The following PARD3 variants were observed in gnomAD, a reference collection of about 807,000 sequenced individuals.
PARD3 encodes par-3 family cell polarity regulator.
A neutral mutation model predicts 155.4 loss-of-function variants in PARD3; 75 were observed. That is an observed-to-expected ratio of 0.48 (90% CI 0.40 to 0.58). The LOEUF (loss-of-function observed/expected upper bound fraction) is 0.58. PARD3 is among the 20% of genes least tolerant of loss of function. PARD3 has a pLI of 0.00. For synonymous variants in PARD3, 576 were observed against 610.5 expected, an observed-to-expected ratio of 0.94 and a Z score of 0.83; for missense variants, 1,642 against 1,721.7, an observed-to-expected ratio of 0.95 and a Z score of 0.82.
rs186666890 is a variant in PARD3 at position 34,427,286 on chromosome 10, A to G, written c.714+23031T>C. Among the ~76,000 whole-genome samples, 260 of 152,330 alleles carry G rather than the reference A, an allele frequency of 1.7e-3. 2 individuals are homozygous for G. The highest frequency in any genetic ancestry group is 6.0e-3 in the African/African-American group (249 of 41,584). ...TGCGGAATTCTTTCCCCAGTAAGGA[A>G]TATTAATAATTAACAGCTCTGAGAA... On this transcript the variant is annotated intron_variant, in intron 5 of 24. Transcript: ENST00000374788.
chr10:34,130,743 G>A (rs1588875852), intron 23 of PARD3, among the ~76,000 whole-genome samples: 1 of 152,134 alleles, frequency 6.6e-6, no homozygotes, highest in African/African-American at 2.4e-5. Flanking sequence ...AAACACACAT[G>A]GGGGGTGCAA....
intron 19 of PARD3, among the ~76,000 whole-genome samples, chr10:34,320,190 G>C (rs771329440): frequency 6.6e-6 from 1 of 152,122 alleles, no homozygotes; most frequent in African/African-American, 2.4e-5. Context: ...CTAATCGCCA[G>C]GTATCACCAT....
chr10:34,398,927 C>T (rs904070619), intron 7 of PARD3, among the ~76,000 whole-genome samples: 5 of 152,230 alleles, frequency 3.3e-5, no homozygotes, highest in Non-Finnish European at 7.4e-5. Flanking sequence ...AAATTTAAAG[C>T]TTAAATCAAA....
chr10:34,525,235 C>T (rs558126564), intron 2 of PARD3, among the ~76,000 whole-genome samples: 22 of 152,280 alleles, frequency 1.4e-4, no homozygotes, highest in Middle Eastern at 6.8e-3. Flanking sequence ...AAATGTTATG[C>T]ATGTGAGATT....
In PARD3 at chr10:34,569,425, A is replaced by G. The variant is rs150991244; in HGVS notation, c.223-52266T>C. Among the ~76,000 whole-genome samples, 53 of 152,204 alleles carry G rather than the reference A, an allele frequency of 3.5e-4. 1 individual carries two copies. The highest frequency in any genetic ancestry group is 1.2e-3 in the African/African-American group (50 of 41,536). On this transcript the variant is annotated intron_variant, in intron 2 of 24. Transcript: ENST00000374788. ...CTGTGTTACACGTGACTATATATAT[A>G]TATTTTTTTGGAGACAGAGTCTTGC...
intron 4 of PARD3, among the ~76,000 whole-genome samples, chr10:34,467,362 T>TGTGTGTGC (rs57754550): frequency 6.6e-6 from 1 of 151,484 alleles, no homozygotes; most frequent in African/African-American, 2.4e-5. Flanking sequence ...TGTGTGTGTG[T>TGTGTGTGC]AAATACTGGT....
At chr10:34,136,916 GC>G (rs1328843604) in intron 22 of PARD3, among the ~76,000 whole-genome samples, 1 of 152,096 alleles carries the variant, frequency 6.6e-6, no homozygotes, top group East Asian at 1.9e-4. Flanking sequence ...TTAGGTTTGT[GC>G]CTTCATCATA....
At chr10:34,443,509 G>A (rs1032312799) in intron 5 of PARD3, among the ~76,000 whole-genome samples, 1 of 152,142 alleles carries the variant, frequency 6.6e-6, no homozygotes, top group Non-Finnish European at 1.5e-5. Flanking sequence ...ATTGTGGAAG[G>A]CAGGGAGGAG....
At chr10:34,739,773 G>A (rs2094975597) in intron 1 of PARD3, among the ~76,000 whole-genome samples, 1 of 152,202 alleles carries the variant, frequency 6.6e-6, no homozygotes, top group East Asian at 1.9e-4. Flanking sequence ...AGTGGGAGCA[G>A]GGGATAGAAA....
rs59606413 is a variant in PARD3, at chr10:34,565,260, CTTTTTTT to C, written c.223-48108_223-48102del. 8.7e-3 allele frequency among the ~76,000 whole-genome samples: 347 copies of C among 39,662 alleles called. 3 individuals are homozygous for C. Among genetic ancestry groups the C allele is most frequent in the African/African-American group, 0.036 (327 of 9,058 alleles). The allele number at this position is 39,662 out of a possible 152,430, so 26.0% of individuals were successfully genotyped here. ...TCAGATAAAAGACAAAGGAGCAAGG[CTTTTTTT>C]TTTTTTTTTTTTTTTTTTTTGAGAC... On this transcript the variant is annotated intron_variant, in intron 2 of 24. Coordinates refer to ENST00000374788, the MANE Select transcript of PARD3 (RefSeq NM_001184785.2).
At chr10:34,665,278 G>A (rs1035613162) in intron 2 of PARD3, among the ~76,000 whole-genome samples, 11 of 151,936 alleles carry the variant, frequency 7.2e-5, no homozygotes, top group Non-Finnish European at 1.0e-4. Flanking sequence ...TTGGGAGGCC[G>A]AGGCAGGTGG....
chr10:34,357,050 A>G (rs1272308419), intron 14 of PARD3, among the ~76,000 whole-genome samples: 1 of 152,238 alleles, frequency 6.6e-6, no homozygotes, highest in East Asian at 1.9e-4. Context: ...AGAAGTGAAT[A>G]AAACACAGAG....
intron 1 of PARD3, among the ~76,000 whole-genome samples, chr10:34,811,960 G>A (rs1844237943): frequency 6.6e-6 from 1 of 152,212 alleles, no homozygotes; most frequent in African/African-American, 2.4e-5. Flanking sequence ...GGGTGGATGA[G>A]GATGAACAGC....
chr10:34,677,742 C>T lies in PARD3; in HGVS notation c.222+18576G>A, dbSNP rs747513359. On this transcript the variant is annotated intron_variant, in intron 2 of 24. Transcript: ENST00000374788. The stretch of plus-strand genomic sequence containing the variant: ...TTCTCCGGGCAGGGGGACACAGATA[C>T]CATGACTAACTCTCAATGGTTTCAC... Among the ~76,000 whole-genome samples, 254 of 152,240 alleles carry T rather than the reference C, an allele frequency of 1.7e-3. 3 individuals are homozygous for T. Among genetic ancestry groups the T allele is most frequent in the Non-Finnish European group, 1.9e-3 (127 of 68,016 alleles).
chr10:34,255,885 T>C lies in PARD3; in HGVS notation c.3419+13772A>G, dbSNP rs573849730. Among the ~76,000 whole-genome samples, 294 of 152,366 alleles carry C rather than the reference T, an allele frequency of 1.9e-3. 1 individual carries two copies. The highest frequency in any genetic ancestry group is 2.9e-3 in the Non-Finnish European group (195 of 68,044). Reference sequence around the variant, plus strand: ...TTCCACTATTAAGTACATTTTTCTATATACATTTGTAGTATAAATAAGATT... The same window carrying C: ...TTCCACTATTAAGTACATTTTTCTACATACATTTGTAGTATAAATAAGATT... On this transcript the variant is annotated intron_variant, in intron 22 of 24. Transcript: ENST00000374788.
rs951396928 is a variant in PARD3, at chr10:34,127,061, G to C, written c.3540+4402C>G. Among the ~76,000 whole-genome samples, 110 of 152,242 alleles carry C rather than the reference G, an allele frequency of 7.2e-4. 1 individual carries two copies. Among genetic ancestry groups the C allele is most frequent in the Non-Finnish European group, 5.9e-5 (4 of 68,006 alleles). On this transcript the variant is annotated intron_variant, in intron 23 of 24. Transcript: ENST00000374788. The stretch of plus-strand genomic sequence containing the variant: ...TTTTTTCAAACATTTTCCCTAACAT[G>C]ATTGTTCATATTAAGTAGATAACAT...
intron 2 of PARD3, among the ~76,000 whole-genome samples, chr10:34,575,741 CAA>C (rs778637752): frequency 6.6e-6 from 1 of 151,888 alleles, no homozygotes; most frequent in Non-Finnish European, 1.5e-5. Context: ...ATTAAAAATA[CAA>C]AAGTTAGCTG....
chr10:34,755,117 C>T (rs774406625), intron 1 of PARD3, among the ~76,000 whole-genome samples: 3 of 151,768 alleles, frequency 2.0e-5, no homozygotes, highest in East Asian at 3.9e-4. Context: ...ATTGCTGGGC[C>T]GAGGCTGGGC....
intron 2 of PARD3, among the ~76,000 whole-genome samples, chr10:34,597,856 C>G (rs1053384589): frequency 6.6e-6 from 1 of 152,108 alleles, no homozygotes; most frequent in African/African-American, 2.4e-5. Flanking sequence ...CACTTTCAGT[C>G]AGCAATTAAG....
Sources: allele counts gnomAD v4.1 joint callset (sites outside exome capture counted in the v4.1 genomes callset), GRCh38; gene constraint gnomAD v4.1.1; transcripts MANE v1.5; gene names NCBI Gene and HGNC (gene_info 2026-07-23, HGNC 2026-07-21).